The following AKAP11 variants were observed in gnomAD, a reference collection of about 807,000 sequenced individuals.
AKAP11 encodes the protein A-kinase anchoring protein 11.
In AKAP11, 36 loss-of-function variants were observed where a neutral mutation model predicts 146.1. The observed-to-expected ratio is 0.25, with a 90% CI of 0.19 to 0.33. AKAP11 has a LOEUF of 0.33. AKAP11 is among the 10% of genes least tolerant of loss of function. The pLI, the probability that AKAP11 is intolerant of heterozygous loss-of-function variation, is 1.00. For missense variants in AKAP11, 2,201 were observed against 2,197.0 expected (o/e 1.00, Z -0.04); for synonymous variants, 780 against 786.5 (o/e 0.99, Z 0.14).
intron 11 of AKAP11, among the ~76,000 whole-genome samples, chr13:42,315,527 A>G (rs960725612): frequency 2.2e-5 from 3 of 135,948 alleles, no homozygotes; most frequent in African/African-American, 8.1e-5. Flanking sequence ...GTATTCTCTA[A>G]TGAACTAGCG....
At chr13:42,288,830 A>G (rs950530918) in intron 3 of AKAP11, among the ~76,000 whole-genome samples, 2 of 152,084 alleles carry the variant, frequency 1.3e-5, no homozygotes, top group African/African-American at 2.4e-5. Context: ...TCATATTGCT[A>G]TTTAATTTGA....
At chr13:42,281,786 CCTGT>C (rs779975739) in intron 1 of AKAP11, among the ~76,000 whole-genome samples, 166 of 151,904 alleles carry the variant, frequency 1.1e-3, no homozygotes, top group Non-Finnish European at 1.6e-3. Flanking sequence ...TATGCCAGAA[CCTGT>C]CTTATTTTAC....
intron 1 of AKAP11, among the ~76,000 whole-genome samples, chr13:42,274,011 A>G (rs145554740): frequency 6.6e-6 from 1 of 152,312 alleles, no homozygotes; most frequent in African/African-American, 2.4e-5. Flanking sequence ...TTCTTACTCC[A>G]TCTTAGCAAA....
chr13:42,308,798 A>G (rs1237187992), intron 9 of AKAP11, among the ~76,000 whole-genome samples, 189 bp downstream of exon 9: 1 of 152,200 alleles, frequency 6.6e-6, no homozygotes. Flanking sequence ...TAGCCCAGCT[A>G]ATTTTATTGG....
In AKAP11 at chr13:42,300,394, A is replaced by G; in HGVS notation, c.1648A>G (p.Ile550Val). ...KNKSLMIKDSIQKFAADLVEK... is the reference protein window; with the variant it reads ...KNKSLMIKDSVQKFAADLVEK... ...TAAATCCTTAATGATTAAAGATAGC[A>G]TTCAAAAATTTGCAGCAGATCTTGT... Residue 550 changes from isoleucine (I) to valine (V), a missense_variant, in exon 8 of 13, where the codon ATT becomes GTT. Around this residue, in one of 3 missense-constraint regions of AKAP11, gnomAD observed 1,867 missense variants for 1,833.5 expected, o/e 1.02. Transcript: ENST00000025301. 1.2e-6 allele frequency: 2 copies of G among 1,611,114 alleles called. No individual in the cohort carries two copies. Among genetic ancestry groups the G allele is most frequent in the African/African-American group, 1.3e-5 (1 of 74,886 alleles).
intron 5 of AKAP11, among the ~76,000 whole-genome samples, chr13:42,296,258 G>C (rs1959508199): frequency 6.6e-6 from 1 of 152,126 alleles, no homozygotes; most frequent in African/African-American, 2.4e-5. Context: ...TCTGAATAAT[G>C]CATATCAGGT....
rs141178734 is a variant in AKAP11 at position 42,301,392 on chromosome 13, G to A, written c.2646G>A (p.Thr882=). 1,616 of 1,613,568 alleles carry A rather than the reference G, an allele frequency of 1.0e-3. 1 individual carries two copies. Among genetic ancestry groups the A allele is most frequent in the Non-Finnish European group, 1.3e-3 (1,520 of 1,179,838 alleles). The change falls in exon 8 of 13, where the codon ACG becomes ACA. Residue 882 remains threonine, a synonymous_variant. Transcript: ENST00000025301. ...ISNFSAAVVH[T]IVNETLESMT... ...ACTTTTCTGCAGCAGTGGTGCATAC[G>A]ATAGTAAATGAAACTTTAGAGTCAA...
chr13:42,304,403 C>T (rs567391757), intron 8 of AKAP11, among the ~76,000 whole-genome samples: 1 of 152,324 alleles, frequency 6.6e-6, no homozygotes, highest in Non-Finnish European at 1.5e-5. Flanking sequence ...TCTCAGTTAT[C>T]AGGTCCACAA....
At chr13:42,274,536 T>G (rs1317246829) in intron 1 of AKAP11, among the ~76,000 whole-genome samples, 1 of 152,100 alleles carries the variant, frequency 6.6e-6, no homozygotes, top group Non-Finnish European at 1.5e-5. Flanking sequence ...AATAAAAAAT[T>G]AGCCACGTGT....
chr13:42,317,153 C>T (rs1031749313), intron 11 of AKAP11, among the ~76,000 whole-genome samples: 2 of 152,192 alleles, frequency 1.3e-5, no homozygotes, highest in Non-Finnish European at 2.9e-5. Flanking sequence ...GCTGGGATTA[C>T]AGGCCTGAGC....
intron 4 of AKAP11, 95 bp from the exon 5 acceptor site, chr13:42,295,600 A>T (rs894350978): frequency 8.4e-7 from 1 of 1,194,004 alleles, no homozygotes; most frequent in East Asian, 2.3e-5. Flanking sequence ...CAGCATTTTA[A>T]TGCTTTGTCT....
rs919514929 is a variant in AKAP11, at chr13:42,289,582, C to T, written c.52-2803C>T. 4.6e-5 allele frequency among the ~76,000 whole-genome samples: 7 copies of T among 152,188 alleles called. No homozygotes were observed. The East Asian group carries it at 1.4e-3, about 29-fold the overall frequency. ...GCTCATAACTTTGATTGCTTTTTCA[C>T]TTTCGGGTTGTATCCTTTTGGTACA... On this transcript the variant is annotated intron_variant, in intron 3 of 12. Transcript: ENST00000025301.
chr13:42,300,636 T>C lies in AKAP11; in HGVS notation c.1890T>C (p.Asp630=). The change falls in exon 8 of 13, where the codon GAT becomes GAC. Residue 630 remains aspartate (D), a synonymous_variant. Transcript: ENST00000025301. ...VSEALSNALK[D]LQYVKKQIFT... The stretch of plus-strand genomic sequence containing the variant: ...AAGCTTTATCAAATGCCTTAAAAGA[T>C]TTACAGTATGTAAAGAAGCAGATAT... The C allele has an allele frequency of 6.2e-7, 1 of 1,614,070 alleles. No individual in the cohort carries two copies. Among genetic ancestry groups the C allele is most frequent in the Non-Finnish European group, 8.5e-7 (1 of 1,179,964 alleles).
chr13:42,289,008 C>T (rs1381526263), intron 3 of AKAP11, among the ~76,000 whole-genome samples: 2 of 152,146 alleles, frequency 1.3e-5, no homozygotes, highest in African/African-American at 2.4e-5. Context: ...AAGGTGATAA[C>T]CCTGCTAGCA....
At chr13:42,306,495 T>C (rs1960268032) in intron 8 of AKAP11, among the ~76,000 whole-genome samples, 1 of 152,208 alleles carries the variant, frequency 6.6e-6, no homozygotes, top group South Asian at 2.1e-4. Flanking sequence ...CTAAAGTTCT[T>C]CCTGTAAGCC....
chr13:42,299,341 C>G, intron 7 of AKAP11, 22 bp from the exon 8 acceptor site: 1 of 1,560,060 alleles, frequency 6.4e-7, no homozygotes, highest in Non-Finnish European at 8.6e-7. Flanking sequence ...AATAATTTCA[C>G]CATTTCATTC....
rs761914957 is a variant in AKAP11 at position 42,303,681 on chromosome 13, TAAG to T, written c.4939_4941del (p.Lys1647del). 7 of 1,614,068 alleles carry T rather than the reference TAAG, an allele frequency of 4.3e-6. No homozygotes were observed. The highest frequency in any genetic ancestry group is 5.1e-6 in the Non-Finnish European group (6 of 1,180,028). On this transcript the variant is annotated inframe_deletion, in exon 8 of 13. Transcript: ENST00000025301. The stretch of plus-strand genomic sequence containing the variant: ...TCCCTCAGATTCATGTTAATCTTGA[TAAG>T]AAGGCAGTGCTTGCTGAGAAGATAG...
Position 42,286,405 on chromosome 13 carries a change from T to A in AKAP11, c.51+6T>A. ...CTAAAGCATCTGTCAGAAAAGTAAG[T>A]TCACTCTATTAGGTTTCTTTTAGTG... On this transcript the variant is annotated splice_donor_region_variant and intron_variant, in intron 3 of 12. Transcript: ENST00000025301. The A allele has an allele frequency of 6.3e-7, 1 of 1,592,370 alleles. No homozygotes were observed. The highest frequency in any genetic ancestry group is 1.1e-5 in the South Asian group (1 of 87,050).
At position 42,319,257 on chromosome 13, in the gene AKAP11, AT is replaced by A; in HGVS notation, c.*32del. ...AAACCCCAAACCAGTATATTTTAGT[AT>A]TTGTTTGGGGAGGGGAACAAGCCAA... On this transcript the variant is annotated 3_prime_UTR_variant, in exon 13 of 13. Coordinates refer to ENST00000025301, the MANE Select transcript of AKAP11 (RefSeq NM_016248.4). The A allele has an allele frequency of 6.2e-7, 1 of 1,603,260 alleles. No individual in the cohort carries two copies.
Sources: allele counts gnomAD v4.1 joint callset (sites outside exome capture counted in the v4.1 genomes callset), GRCh38; gene constraint gnomAD v4.1.1; regional missense constraint gnomAD v4.1.1; transcripts MANE v1.5; gene names NCBI Gene and HGNC (gene_info 2026-07-23, HGNC 2026-07-21).